The following ATP12A variants were observed in gnomAD, a reference collection of about 807,000 sequenced individuals.
ATP12A encodes potassium-transporting ATPase alpha chain 2.
Under a neutral mutation model 111.2 loss-of-function variants are expected in ATP12A, and 81 were observed. That is an observed-to-expected ratio of 0.73 (90% CI 0.61 to 0.88). The LOEUF (loss-of-function observed/expected upper bound fraction) is 0.88, where lower values mean the gene tolerates loss of function less well. Among genes scored for constraint, ATP12A ranks in the 40% least tolerant of loss-of-function variants. The probability of loss-of-function intolerance (pLI) is 0.00; values close to 1 mark genes in which losing one functional copy is unlikely to be tolerated. For missense variants in ATP12A, 1,196 were observed against 1,313.1 expected, an observed-to-expected ratio of 0.91 and a Z score of 1.38; for synonymous variants, 498 against 499.8, an observed-to-expected ratio of 1.00 and a Z score of 0.05.
At chr13:24,698,516 A>G (rs1875260450) in intron 11 of ATP12A, 142 bp from the exon 12 acceptor site, 2 of 929,820 alleles carry the variant, frequency 2.2e-6, no homozygotes, top group Admixed American at 5.5e-5. Flanking sequence ...TCTTCGTCTT[A>G]CTTGGCCACA....
Position 24,707,295 on chromosome 13 carries a change from C to A in ATP12A, c.2355C>A (p.Asp785Glu), listed in dbSNP as rs369210106. 276 of 1,614,204 alleles carry A rather than the reference C, an allele frequency of 1.7e-4. 2 individuals are homozygous for A. In the South Asian group the frequency reaches 2.8e-3, roughly 16 times the overall value. The part of the protein sequence containing the change: ...TGVEEGRLIF[D>E]NLKKTIAYSL... ...TCTGCCTAGGTCGCCTGATCTTTGA[C>A]AACCTCAAGAAGACTATTGCTTATT... The change falls in exon 17 of 23, where the codon GAC becomes GAA. Residue 785 changes from aspartate (D) to glutamate (E), a missense_variant. By Grantham distance (45) the Asp-to-Glu change is conservative. Coordinates refer to ENST00000381946, the MANE Select transcript of ATP12A (RefSeq NM_001676.7).
At chr13:24,702,859 G>A (rs1875454144) in intron 14 of ATP12A, among the ~76,000 whole-genome samples, 1 of 152,222 alleles carries the variant, frequency 6.6e-6, no homozygotes, top group African/African-American at 2.4e-5. Flanking sequence ...ATGCAGGAGA[G>A]TGGCCTGGAC....
chr13:24,709,491 C>A lies in ATP12A; in HGVS notation c.2617+4C>A, dbSNP rs377111529. 6.2e-6 allele frequency: 10 copies of A among 1,612,542 alleles called. No individual in the cohort carries two copies. The highest frequency in any genetic ancestry group is 4.0e-5 in the African/African-American group (3 of 74,888). ...GTGTACTCATACCTGCACATTGGTA[C>A]GATGAGGGCGCGTCTTCCCCATCAC... On this transcript the variant is annotated splice_donor_region_variant and intron_variant, in intron 18 of 22. Coordinates refer to ENST00000381946, the MANE Select transcript of ATP12A (RefSeq NM_001676.7).
intron 17 of ATP12A, 72 bp from the exon 18 acceptor site, chr13:24,709,292 C>CCCCCCCCCCCCCCCCACCGTGGGGGA: frequency 1.1e-6 from 1 of 888,520 alleles, no homozygotes; most frequent in Non-Finnish European, 1.5e-6. Flanking sequence ...CCACCCACCC[C>CCCCCCCCCCCCCCCCACCGTGGGGGA]AGCCCCCCTC....
chr13:24,698,562 T>C, intron 11 of ATP12A, 96 bp from the exon 12 acceptor site: 1 of 1,315,428 alleles, frequency 7.6e-7, no homozygotes, highest in South Asian at 1.4e-5. Flanking sequence ...AGGATGCCAT[T>C]GTGCCTCTTC....
At chr13:24,708,860 A>AAG (rs1183143491) in intron 17 of ATP12A, among the ~76,000 whole-genome samples, 4 of 131,464 alleles carry the variant, frequency 3.0e-5, no homozygotes, top group African/African-American at 7.8e-5. Flanking sequence ...GAGAGAGGGA[A>AAG]AGAGAGAAAG....
Position 24,685,492 on chromosome 13 carries a change from C to A in ATP12A, c.228+119C>A, listed in dbSNP as rs959499926. On this transcript the variant is annotated intron_variant, in intron 3 of 22. Transcript: ENST00000381946. The surrounding 1 kb of genome is among the most constrained non-coding windows in gnomAD (Gnocchi z 5.5). ...GCACCTTTAGGAGGAGGGGCCCCTG[C>A]AGCGCCTTTGAGACTGCAGTTATTT... is the stretch of plus-strand genomic sequence containing the variant. The A allele has an allele frequency of 6.0e-6, 6 of 994,586 alleles. No homozygotes were observed. In the African/African-American group the frequency reaches 8.0e-5, roughly 13 times the overall value. 61.6% of individuals were successfully genotyped at this position (994,586 alleles called of 1,614,324 possible).
At chr13:24,695,835 C>T (rs1267863389) in intron 11 of ATP12A, among the ~76,000 whole-genome samples, 2 of 152,088 alleles carry the variant, frequency 1.3e-5, no homozygotes, top group African/African-American at 2.4e-5. Flanking sequence ...CCTCGAACTC[C>T]TGACCTCCGG....
intron 18 of ATP12A, 74 bp from the exon 19 acceptor site, chr13:24,709,609 C>G: frequency 6.3e-7 from 1 of 1,595,864 alleles, no homozygotes; most frequent in Non-Finnish European, 8.6e-7. Flanking sequence ...GGAGGGGGAA[C>G]CGAGAGTAGA....
At chr13:24,706,228 G>T in intron 14 of ATP12A, 85 bp from the exon 15 acceptor site, 1 of 1,539,124 alleles carries the variant, frequency 6.5e-7, no homozygotes, top group East Asian at 2.3e-5. Context: ...AAGTCAGAGA[G>T]GCTTCAGCCA....
At chr13:24,694,152 C>G (rs1343596174) in intron 10 of ATP12A, among the ~76,000 whole-genome samples, 1 of 152,198 alleles carries the variant, frequency 6.6e-6, no homozygotes, top group African/African-American at 2.4e-5. Flanking sequence ...GGAAGGCTTT[C>G]TTCTCTGTGT....
intron 3 of ATP12A, among the ~76,000 whole-genome samples, chr13:24,686,728 G>A (rs568250693): frequency 2.0e-5 from 3 of 151,762 alleles, no homozygotes; most frequent in African/African-American, 7.3e-5. Context: ...GACAGAGCGA[G>A]ACTCTGTCGA....
chr13:24,707,457 G>C lies in ATP12A; in HGVS notation c.2493+24G>C, dbSNP rs201825433. On this transcript the variant is annotated intron_variant, in intron 17 of 22. Coordinates refer to ENST00000381946, the MANE Select transcript of ATP12A (RefSeq NM_001676.7). ...TTGTAAGTGACACTGAAGGGAACAG[G>C]CTGTGATGCCTGCCCCAGGGGAGGT... is the stretch of plus-strand genomic sequence containing the variant. The C allele has an allele frequency of 6.8e-6, 11 of 1,613,856 alleles. No individual in the cohort carries two copies. The Admixed American group carries it at 1.8e-4, about 27-fold the overall frequency.
intron 17 of ATP12A, among the ~76,000 whole-genome samples, chr13:24,708,484 C>G (rs2137721963): frequency 6.6e-6 from 1 of 152,218 alleles, no homozygotes; most frequent in Non-Finnish European, 1.5e-5. Flanking sequence ...ATTGAGGTCC[C>G]CAAAGTTGAT....
At chr13:24,684,155 T>G (rs1323346002) in intron 2 of ATP12A, among the ~76,000 whole-genome samples, 1 of 151,964 alleles carries the variant, frequency 6.6e-6, no homozygotes, top group Admixed American at 6.5e-5. Context: ...CCACTACTTG[T>G]ATCTGCCCAA....
intron 8 of ATP12A, among the ~76,000 whole-genome samples, chr13:24,692,058 G>T (rs1400656918): frequency 2.0e-5 from 3 of 152,126 alleles, no homozygotes; most frequent in Non-Finnish European, 4.4e-5. Flanking sequence ...CAACTCTTTG[G>T]CATGCACTGG....
intron 11 of ATP12A, among the ~76,000 whole-genome samples, chr13:24,696,087 T>A (rs1875140106): frequency 6.6e-6 from 1 of 152,142 alleles, no homozygotes; most frequent in South Asian, 2.1e-4. Flanking sequence ...CCTAAAAGAC[T>A]GTTTTAGGAT....
At chr13:24,682,570 G>C (rs1278555608) in intron 2 of ATP12A, among the ~76,000 whole-genome samples, 1 of 152,190 alleles carries the variant, frequency 6.6e-6, no homozygotes, top group African/African-American at 2.4e-5. Flanking sequence ...AGCTGCTTCA[G>C]TGAGAGTTAA....
At chr13:24,704,077 AGCCTCC>A (rs1317483178) in intron 14 of ATP12A, among the ~76,000 whole-genome samples, 26 of 151,720 alleles carry the variant, frequency 1.7e-4, no homozygotes, top group African/African-American at 6.3e-4. Context: ...ATCTCATTGC[AGCCTCC>A]ACCTCCTGGG....
Sources: gnomAD v4.1 joint callset for allele counts (sites outside exome capture counted in the v4.1 genomes callset) on GRCh38, gnomAD v4.1.1 for gene constraint, Gnocchi (gnomAD v3.1) non-coding constraint, MANE v1.5 for transcripts, NCBI Gene and HGNC (gene_info 2026-07-23, HGNC 2026-07-21) for gene names.